Variants in PSIP1 observed in about 807,000 individuals in gnomAD.
PSIP1 encodes PC4 and SFRS1-interacting protein.
In PSIP1, 19 loss-of-function variants were observed where a neutral mutation model predicts 74.7. That is an observed-to-expected ratio of 0.25 (90% CI 0.18 to 0.37). The LOEUF (loss-of-function observed/expected upper bound fraction) is 0.37, where lower values mean the gene tolerates loss of function less well. Among genes scored for constraint, PSIP1 ranks in the 10% least tolerant of loss-of-function variants. PSIP1 has a pLI of 1.00. For synonymous variants in PSIP1, 222 were observed against 195.3 expected, an observed-to-expected ratio of 1.14 and a Z score of -1.14; for missense variants, 601 against 614.3, an observed-to-expected ratio of 0.98 and a Z score of 0.23.
chr9:15,476,415 G>C (rs548331685), intron 8 of PSIP1, among the ~76,000 whole-genome samples: 79 of 152,310 alleles, frequency 5.2e-4, no homozygotes, highest in African/African-American at 1.9e-3. Context: ...TTTGGGTGAA[G>C]AAGTTTCAAA....
rs929556829 is a variant in PSIP1 at position 15,500,998 on chromosome 9, C to T, written c.149+5563G>A. Among the ~76,000 whole-genome samples the T allele has an allele frequency of 3.3e-5, 5 of 152,116 alleles. No homozygotes were observed. In the East Asian group the frequency reaches 9.6e-4, roughly 29 times the overall value. On this transcript the variant is annotated intron_variant, in intron 3 of 15. Transcript: ENST00000380733. ...GAAATAAAAGTTTGCCAAAGCTGAA[C>T]ATTTTAAATAAATAATAGCCAAGCA...
intron 9 of PSIP1, among the ~76,000 whole-genome samples, chr9:15,473,542 T>G (rs529153828): frequency 6.6e-6 from 1 of 152,306 alleles, no homozygotes; most frequent in South Asian, 2.1e-4. Flanking sequence ...GTAAACAAAT[T>G]CATTTTAACT....
intron 10 of PSIP1, chr9:15,470,712 T>C: frequency 1.1e-6 from 1 of 942,710 alleles, no homozygotes; most frequent in Non-Finnish European, 1.3e-6. Context: ...CTGTTTAATC[T>C]CTCAGGATTA....
rs752500928 is a variant in PSIP1, at chr9:15,469,284, T to C, written c.1086A>G (p.Ser362=). ...CACTTACAAGATTATCAATTTTGAG[T>C]GAATTTTTAATCTCAGCATGTATCC... ...LQRIHAEIKN[S]LKIDNLDVNR... Residue 362 remains serine (S), a synonymous_variant, in exon 12 of 16, where the codon TCA becomes TCG. Transcript: ENST00000380733. The C allele has an allele frequency of 1.9e-6, 3 of 1,564,368 alleles. No homozygotes were observed. Among genetic ancestry groups the C allele is most frequent in the Non-Finnish European group, 2.6e-6 (3 of 1,147,820 alleles).
chr9:15,471,552 A>C, intron 10 of PSIP1: 2 of 968,236 alleles, frequency 2.1e-6, no homozygotes, highest in East Asian at 2.3e-4. Flanking sequence ...AAAAGATAGA[A>C]TAGAAAATGA....
At chr9:15,502,524 TCAGCCTCCTGA>T (rs2037395556) in intron 3 of PSIP1, among the ~76,000 whole-genome samples, 1 of 152,244 alleles carries the variant, frequency 6.6e-6, no homozygotes, top group Non-Finnish European at 1.5e-5. Flanking sequence ...TCCTCCTGCC[TCAGCCTCCTGA>T]GTAGCTGGGA....
intron 4 of PSIP1, among the ~76,000 whole-genome samples, chr9:15,489,608 C>CAA (rs1278277874): frequency 0.018 from 825 of 45,426 alleles, 28 homozygotes; most frequent in African/African-American, 0.049. Context: ...AACTACACCT[C>CAA]AAAAAAAAAA....
chr9:15,468,874 G>A (rs2035734144), intron 13 of PSIP1, 31 bp from the exon 14 acceptor site: 3 of 1,605,392 alleles, frequency 1.9e-6, no homozygotes, highest in Middle Eastern at 1.7e-4. Flanking sequence ...CATCATAATT[G>A]TTTTCCTAAT....
chr9:15,479,818 G>T (rs1192858951), intron 6 of PSIP1, 131 bp from the exon 7 acceptor site: 7 of 505,372 alleles, frequency 1.4e-5, no homozygotes, highest in Non-Finnish European at 2.0e-5. Context: ...ATGATCTTTT[G>T]TTTTTTCAAC....
At chr9:15,484,664 T>G (rs1241732517) in intron 6 of PSIP1, among the ~76,000 whole-genome samples, 1 of 151,908 alleles carries the variant, frequency 6.6e-6, no homozygotes, top group Non-Finnish European at 1.5e-5. Flanking sequence ...GAGGTGAAGG[T>G]TGCAGTGAGC....
chr9:15,477,619 C>G (rs552228217), intron 8 of PSIP1, among the ~76,000 whole-genome samples: 1 of 151,856 alleles, frequency 6.6e-6, no homozygotes, highest in Admixed American at 6.6e-5. Context: ...CCCCCTTTGT[C>G]TAAATATACT....
intron 3 of PSIP1, among the ~76,000 whole-genome samples, chr9:15,491,331 A>C (rs2036822066): frequency 6.6e-6 from 1 of 152,256 alleles, no homozygotes; most frequent in Admixed American, 6.5e-5. Context: ...ATACTTGCTT[A>C]CAGTATGAGT....
intron 10 of PSIP1, chr9:15,471,577 T>C: frequency 1.0e-6 from 1 of 955,552 alleles, no homozygotes; most frequent in Non-Finnish European, 1.2e-6. Context: ...TGACAAAGAA[T>C]AACTTAAATA....
At chr9:15,500,767 T>C (rs2037305311) in intron 3 of PSIP1, among the ~76,000 whole-genome samples, 1 of 152,140 alleles carries the variant, frequency 6.6e-6, no homozygotes, top group African/African-American at 2.4e-5. Flanking sequence ...ATTAAGACAA[T>C]TAAGAGCAGT....
At chr9:15,500,142 C>T (rs1043457144) in intron 3 of PSIP1, among the ~76,000 whole-genome samples, 5 of 152,098 alleles carry the variant, frequency 3.3e-5, no homozygotes, top group East Asian at 1.9e-4. Context: ...TGAATATGCA[C>T]GCACTATTTC....
rs368318933 is a variant in PSIP1 at position 15,479,667 on chromosome 9, A to G, written c.477T>C (p.Thr159=). ...RKRKAEKQVE[T]EEAGVVTTAT... ...CTGTTGTCACTACTCCTGCCTCCTC[A>G]GTTTCTACTTGTTTTTCTGCCTGAA... is the stretch of plus-strand genomic sequence containing the variant. Residue 159 remains threonine (T), a synonymous_variant, in exon 7 of 16, where the codon ACT becomes ACC. Coordinates refer to ENST00000380733, the MANE Select transcript of PSIP1 (RefSeq NM_033222.5). 28 of 1,612,842 alleles carry G rather than the reference A, an allele frequency of 1.7e-5. No homozygotes were observed. The African/African-American group carries it at 3.6e-4, about 21-fold the overall frequency.
intron 15 of PSIP1, 31 bp downstream of exon 15, chr9:15,466,717 C>A: frequency 6.6e-7 from 1 of 1,518,206 alleles, no homozygotes. Flanking sequence ...TAATAAAAAA[C>A]ACACAAGACC....
At chr9:15,471,089 G>A in intron 10 of PSIP1, 1 of 1,538,742 alleles carries the variant, frequency 6.5e-7, no homozygotes, top group South Asian at 1.2e-5. Flanking sequence ...ATGGGGGGAA[G>A]GGGGAAATTC....
In PSIP1 at chr9:15,465,549, A is replaced by G; in HGVS notation, c.1564T>C (p.Ser522Pro). The G allele has an allele frequency of 5.7e-6, 9 of 1,585,234 alleles. No homozygotes were observed. The highest frequency in any genetic ancestry group is 7.8e-6 in the Non-Finnish European group (9 of 1,156,328). The change falls in exon 16 of 16, where the codon TCT becomes CCT. Residue 522 changes from serine (S) to proline (P), a missense_variant. Physicochemically the swap from Ser to Pro is moderately conservative, Grantham distance 74 (BLOSUM62 -1). This residue lies in a region of PSIP1 where 538 missense variants were observed against 507.6 expected (regional missense o/e 1.06). Coordinates refer to ENST00000380733, the MANE Select transcript of PSIP1 (RefSeq NM_033222.5). ...PSSEERETEI[S>P]LKDSTLDN is the part of the protein sequence containing the mutation. ...TTATCTAGTGTAGAATCCTTCAGAGATATTTCAGTCTCTCTCTCTTCACTG... is the reference window on the plus strand; with the variant it reads ...TTATCTAGTGTAGAATCCTTCAGAGGTATTTCAGTCTCTCTCTCTTCACTG...
Sources: allele counts gnomAD v4.1 joint callset (sites outside exome capture counted in the v4.1 genomes callset), GRCh38; gene constraint gnomAD v4.1.1; regional missense constraint gnomAD v4.1.1; transcripts MANE v1.5; gene names NCBI Gene and HGNC (gene_info 2026-07-23, HGNC 2026-07-21).